The following MCOLN2 variants were observed in gnomAD, a reference collection of about 807,000 sequenced individuals.
MCOLN2 encodes the protein mucolipin TRP cation channel 2.
MCOLN2 carries 57 observed loss-of-function variants against 67.5 expected under a neutral mutation model. The ratio of observed to expected loss-of-function variants is 0.84; its 90% CI spans 0.68 to 1.05. The LOEUF (loss-of-function observed/expected upper bound fraction) is 1.05. Ranked by LOEUF, MCOLN2 falls within the 50% of genes least tolerant of loss-of-function variation. The probability of loss-of-function intolerance (pLI) is 0.00; values close to 1 mark genes in which losing one functional copy is unlikely to be tolerated. For synonymous variants in MCOLN2, 246 were observed against 233.3 expected, an observed-to-expected ratio of 1.05 and a Z score of -0.50; for missense variants, 620 against 678.8, an observed-to-expected ratio of 0.91 and a Z score of 0.96.
chr1:84,950,665 A>G (rs557705572), intron 6 of MCOLN2, among the ~76,000 whole-genome samples: 1 of 152,338 alleles, frequency 6.6e-6, no homozygotes, highest in African/African-American at 2.4e-5. Flanking sequence ...ACACATTAAG[A>G]AAACCAAAAA....
At chr1:84,961,821 A>C (rs1485006872) in intron 2 of MCOLN2, among the ~76,000 whole-genome samples, 1 of 152,210 alleles carries the variant, frequency 6.6e-6, no homozygotes, top group African/African-American at 2.4e-5. Context: ...TTATGAAATC[A>C]ATGTAGGATA....
intron 6 of MCOLN2, among the ~76,000 whole-genome samples, chr1:84,950,979 A>G (rs1222691795): frequency 6.6e-6 from 1 of 152,162 alleles, no homozygotes; most frequent in African/African-American, 2.4e-5. Flanking sequence ...TTCCGACCAT[A>G]TCATGACAAA....
chr1:84,938,479 A>C (rs1647564018), intron 9 of MCOLN2, among the ~76,000 whole-genome samples: 1 of 152,274 alleles, frequency 6.6e-6, no homozygotes, highest in African/African-American at 2.4e-5. Context: ...AGAAAACTCC[A>C]GCATGATTTC....
chr1:84,965,567 T>C lies in MCOLN2; in HGVS notation c.219A>G (p.Ile73Met), dbSNP rs373122131. The change falls in exon 2 of 14, where the codon ATA becomes ATG. Residue 73 changes from isoleucine to methionine, a missense_variant. Coordinates refer to ENST00000370608, the MANE Select transcript of MCOLN2 (RefSeq NM_153259.4). ...AGGTTACCTGTGTGGTGACCATGAC[T>C]ATCTTCAAAATCTGCAAACCCAGTT... is the stretch of plus-strand genomic sequence containing the variant. The part of the protein sequence containing the change: ...PWKLGLQILK[I>M]VMVTTQLVRF... 1.2e-6 allele frequency: 2 copies of C among 1,613,906 alleles called. No homozygotes were observed. Among genetic ancestry groups the C allele is most frequent in the Non-Finnish European group, 1.7e-6 (2 of 1,179,956 alleles).
intron 1 of MCOLN2, among the ~76,000 whole-genome samples, chr1:84,971,280 G>A (rs191027338): frequency 9.2e-5 from 14 of 152,194 alleles, no homozygotes; most frequent in African/African-American, 3.4e-4. Context: ...TGCATGATGA[G>A]ATAGCTGTTT....
rs1255395785 is a variant in MCOLN2, at chr1:84,965,592, T to C, written c.194A>G (p.Lys65Arg). 1 of 1,614,088 alleles carries C rather than the reference T, an allele frequency of 6.2e-7. No individual in the cohort carries two copies. The highest frequency in any genetic ancestry group is 1.1e-5 in the South Asian group (1 of 91,080). The change falls in exon 2 of 14, where the codon AAA (lysine) becomes AGA (arginine). Residue 65 changes from lysine to arginine, a missense_variant. By Grantham distance (26) the Lys-to-Arg change is conservative. Coordinates refer to ENST00000370608, the MANE Select transcript of MCOLN2 (RefSeq NM_153259.4). ...TATCTTCAAAATCTGCAAACCCAGTTTCCACGGAATCTGGCGTCTGGCTCG... is the reference window on the plus strand; with the variant it reads ...TATCTTCAAAATCTGCAAACCCAGTCTCCACGGAATCTGGCGTCTGGCTCG... ...KYRARRQIPW[K>R]LGLQILKIVM... is the part of the protein sequence containing the mutation.
rs560645139 is a variant in MCOLN2, at chr1:84,986,711, G to A, written c.77+10085C>T. On this transcript the variant is annotated intron_variant, in intron 1 of 13. Coordinates refer to ENST00000370608, the MANE Select transcript of MCOLN2 (RefSeq NM_153259.4). ...GAAAAAAAAATAATCCCATCAAAAC[G>A]TGGGCTAAAGACATGAATAGACAAT... Among the ~76,000 whole-genome samples, 18 of 151,926 alleles carry A rather than the reference G, an allele frequency of 1.2e-4. 2 individuals are homozygous for A. The South Asian group carries it at 2.5e-3, about 21-fold the overall frequency.
intron 1 of MCOLN2, among the ~76,000 whole-genome samples, chr1:84,971,684 A>G (rs1367465260): frequency 1.3e-5 from 2 of 152,218 alleles, no homozygotes; most frequent in South Asian, 2.1e-4. Context: ...ACACATATTT[A>G]CCCTATATAC....
At chr1:84,952,587 C>T (rs12140322) in intron 4 of MCOLN2, 57 bp from the exon 5 acceptor site, 1 of 1,091,694 alleles carries the variant, frequency 9.2e-7, no homozygotes, top group Non-Finnish European at 1.4e-6. Flanking sequence ...GGTGCTAAAA[C>T]TAATGGGTGA....
At chr1:84,947,378 A>C (rs1570972028) in intron 6 of MCOLN2, among the ~76,000 whole-genome samples, 1 of 152,134 alleles carries the variant, frequency 6.6e-6, no homozygotes, top group South Asian at 2.1e-4. Flanking sequence ...AAATCACTAA[A>C]GAAGTACACT....
chr1:84,955,472 C>G (rs1648735514), intron 4 of MCOLN2, among the ~76,000 whole-genome samples: 1 of 152,146 alleles, frequency 6.6e-6, no homozygotes, highest in African/African-American at 2.4e-5. Flanking sequence ...AAGAAAGAGC[C>G]TGGCTTGCTC....
At chr1:84,936,060 C>A (rs542955587) in intron 11 of MCOLN2, among the ~76,000 whole-genome samples, 2 of 152,278 alleles carry the variant, frequency 1.3e-5, no homozygotes, top group African/African-American at 4.8e-5. Flanking sequence ...CCCATCTCTG[C>A]CACTTTCTAG....
intron 1 of MCOLN2, among the ~76,000 whole-genome samples, chr1:84,985,085 T>C (rs574433794): frequency 6.6e-6 from 1 of 152,148 alleles, no homozygotes; most frequent in African/African-American, 2.4e-5. Context: ...CATGGTCATA[T>C]TATCAAAATG....
chr1:84,966,019 G>A (rs1309583030), intron 1 of MCOLN2, among the ~76,000 whole-genome samples: 5 of 152,180 alleles, frequency 3.3e-5, no homozygotes, highest in East Asian at 3.9e-4. Context: ...TTGGGAGACC[G>A]AGGCGGGTGG....
chr1:84,965,647 A>C lies in MCOLN2; in HGVS notation c.139T>G (p.Phe47Val), dbSNP rs1649340584. The change falls in exon 2 of 14, where the codon TTT becomes GTT. Residue 47 changes from phenylalanine (F) to valine (V), a missense_variant. Physicochemically the swap from Phe to Val is conservative, Grantham distance 50. Transcript: ENST00000370608. ...KEECLREDLK[F>V]YFMSPCEKYR... is the part of the protein sequence containing the mutation. ...TTTTCACAAGGGCTCATGAAGTAAA[A>C]CTTCAGGTCTTCCCTTAGACATTCT... is the stretch of plus-strand genomic sequence containing the variant. The C allele has an allele frequency of 7.4e-6, 12 of 1,613,966 alleles. No homozygotes were observed. Among genetic ancestry groups the C allele is most frequent in the African/African-American group, 1.3e-5 (1 of 75,022 alleles).
rs1661145842 is a variant in MCOLN2 at position 84,926,125 on chromosome 1, G to A, written c.*560C>T. The stretch of plus-strand genomic sequence containing the variant: ...GGCTGGTCTCAAGCTCCTGAGCTCA[G>A]TCTGCCTGCCTAGGCCTCCCAAAGT... On this transcript the variant is annotated 3_prime_UTR_variant, in exon 14 of 14. Transcript: ENST00000370608. 1 of 152,442 alleles carries A rather than the reference G, an allele frequency of 6.6e-6. No homozygotes were observed. 9.4% of individuals were successfully genotyped at this position (152,442 alleles called of 1,614,324 possible). A position where few individuals can be genotyped will look rare whatever the true frequency, so the allele number is the denominator to read the frequency against.
chr1:84,951,635 A>AT (rs1648475448), intron 6 of MCOLN2, among the ~76,000 whole-genome samples: 1 of 152,258 alleles, frequency 6.6e-6, no homozygotes, highest in Non-Finnish European at 1.5e-5. Context: ...AAACACCTTC[A>AT]TAAACATTTT....
At chr1:84,940,768 T>C (rs1409969346) in intron 8 of MCOLN2, 111 bp downstream of exon 8, 5 of 647,614 alleles carry the variant, frequency 7.7e-6, no homozygotes, top group Non-Finnish European at 1.4e-5. Flanking sequence ...GGAATCTGAT[T>C]TAGTCAAAGG....
In MCOLN2 at chr1:84,965,691, C is replaced by T. The variant is rs1337762397; in HGVS notation, c.95G>A (p.Arg32His). 19 of 1,612,870 alleles carry T rather than the reference C, an allele frequency of 1.2e-5. No homozygotes were observed. In the East Asian group the frequency reaches 2.7e-4, roughly 23 times the overall value. Residue 32 changes from arginine to histidine, a missense_variant, in exon 2 of 14, where the codon CGT becomes CAT. Physicochemically the swap from Arg to His is conservative, Grantham distance 29. Coordinates refer to ENST00000370608, the MANE Select transcript of MCOLN2 (RefSeq NM_153259.4). The stretch of plus-strand genomic sequence containing the variant: ...ACATTCTTCTTTCATCTCAGAATCA[C>T]GATGTGCCATTGCATTTCTGCCACA... The part of the protein sequence containing the change: ...RLTVRNAMAH[R>H]DSEMKEECLR...
Sources: gnomAD v4.1 joint callset for allele counts (sites outside exome capture counted in the v4.1 genomes callset) on GRCh38, gnomAD v4.1.1 for gene constraint, MANE v1.5 for transcripts, NCBI Gene and HGNC (gene_info 2026-07-23, HGNC 2026-07-21) for gene names.